CCDC91: variants seen among roughly 807,000 people sequenced by gnomAD.
CCDC91 encodes the protein coiled-coil domain containing 91.
A neutral mutation model predicts 63.2 loss-of-function variants in CCDC91; 48 were observed. The ratio of observed to expected loss-of-function variants is 0.76; its 90% CI spans 0.60 to 0.97. The LOEUF is 0.97. Among genes scored for constraint, CCDC91 ranks in the 50% least tolerant of loss-of-function variants. The pLI is 0.00. For missense variants in CCDC91, 500 were observed against 494.6 expected (o/e 1.01, Z -0.10); for synonymous variants, 167 against 165.8 (o/e 1.01, Z -0.06).
chr12:28,355,855 G>A (rs1943489303), intron 6 of CCDC91, among the ~76,000 whole-genome samples: 1 of 152,056 alleles, frequency 6.6e-6, no homozygotes, highest in Non-Finnish European at 1.5e-5. Context: ...AGCCATTATT[G>A]GAATAGGAGC....
chr12:28,494,449 C>T (rs1357453272), intron 12 of CCDC91, among the ~76,000 whole-genome samples: 2 of 151,648 alleles, frequency 1.3e-5, no homozygotes, highest in Admixed American at 6.6e-5. Flanking sequence ...CTTTGTAAAG[C>T]CTATCCTGGT....
At chr12:28,384,878 A>T (rs1336026387) in intron 7 of CCDC91, among the ~76,000 whole-genome samples, 3 of 152,092 alleles carry the variant, frequency 2.0e-5, no homozygotes, top group Non-Finnish European at 2.9e-5. Flanking sequence ...TTACAAATGT[A>T]CCTCATTCAA....
intron 1 of CCDC91, among the ~76,000 whole-genome samples, chr12:28,247,329 A>G (rs1945809449): frequency 6.6e-6 from 1 of 151,980 alleles, no homozygotes; most frequent in Admixed American, 6.6e-5. Flanking sequence ...AAATACAAAA[A>G]ATTAGCTGGG....
chr12:28,213,946 G>T (rs1448853559), intron 1 of CCDC91, among the ~76,000 whole-genome samples: 1 of 152,144 alleles, frequency 6.6e-6, no homozygotes, highest in Non-Finnish European at 1.5e-5. Flanking sequence ...TGCTGGATCA[G>T]TTTCCAATAT....
At chr12:28,406,517 A>G (rs1266815173) in intron 8 of CCDC91, among the ~76,000 whole-genome samples, 1 of 152,122 alleles carries the variant, frequency 6.6e-6, no homozygotes, top group African/African-American at 2.4e-5. Flanking sequence ...TATATTCTAG[A>G]TATAAACCCT....
chr12:28,549,819 C>G lies in CCDC91; in HGVS notation c.*646C>G, dbSNP rs1466805309. On this transcript the variant is annotated 3_prime_UTR_variant, in exon 13 of 13. Transcript: ENST00000536442. Reference sequence around the variant, plus strand: ...ACTAAAGGGGTGTGTGTGGTGTATGCTTGTTTCCTATTTCTGCTCTTTAAA... The same window carrying G: ...ACTAAAGGGGTGTGTGTGGTGTATGGTTGTTTCCTATTTCTGCTCTTTAAA... 6.6e-6 allele frequency: 1 copy of G among 152,032 alleles called. No homozygotes were observed. Among genetic ancestry groups the G allele is most frequent in the African/African-American group, 2.4e-5 (1 of 41,418 alleles). The allele number at this position is 152,032 out of a possible 1,614,324, so 9.4% of individuals were successfully genotyped here.
intron 1 of CCDC91, among the ~76,000 whole-genome samples, chr12:28,211,231 G>A (rs1943210792): frequency 6.6e-6 from 1 of 151,780 alleles, no homozygotes; most frequent in Non-Finnish European, 1.5e-5. Context: ...AGAAATCTGA[G>A]TGGTAAGAAA....
intron 2 of CCDC91, among the ~76,000 whole-genome samples, chr12:28,258,079 G>A (rs1946565457): frequency 1.3e-5 from 2 of 151,954 alleles, no homozygotes; most frequent in Non-Finnish European, 2.9e-5. Flanking sequence ...AAAGAATGGT[G>A]TGAGGTTTTT....
At chr12:28,303,134 A>G (rs1380507325) in intron 3 of CCDC91, among the ~76,000 whole-genome samples, 1 of 152,152 alleles carries the variant, frequency 6.6e-6, no homozygotes, top group Non-Finnish European at 1.5e-5. Context: ...AGATAAGATC[A>G]GAAGTGTTTA....
intron 6 of CCDC91, among the ~76,000 whole-genome samples, chr12:28,341,972 A>C (rs537520210): frequency 1.1e-4 from 17 of 152,358 alleles, no homozygotes; most frequent in African/African-American, 3.8e-4. Context: ...AATATGTTGC[A>C]TGTCAAGAGA....
chr12:28,503,644 A>T (rs1165796330), intron 12 of CCDC91, among the ~76,000 whole-genome samples: 1 of 152,220 alleles, frequency 6.6e-6, no homozygotes, highest in Non-Finnish European at 1.5e-5. Flanking sequence ...ACGTATGTTT[A>T]TTGCAGCACT....
At chr12:28,410,868 T>A (rs761653232) in intron 8 of CCDC91, among the ~76,000 whole-genome samples, 5 of 152,156 alleles carry the variant, frequency 3.3e-5, no homozygotes, top group Non-Finnish European at 4.4e-5. Flanking sequence ...ATTATTGACG[T>A]TTTTTCATTT....
At chr12:28,285,383 C>T (rs1198475209) in intron 3 of CCDC91, among the ~76,000 whole-genome samples, 1 of 152,016 alleles carries the variant, frequency 6.6e-6, no homozygotes, top group Admixed American at 6.5e-5. Flanking sequence ...GCTTATGAAA[C>T]TTAAATATGA....
chr12:28,544,586 CA>C (rs1182961674), intron 12 of CCDC91, among the ~76,000 whole-genome samples: 3 of 151,874 alleles, frequency 2.0e-5, no homozygotes, highest in Non-Finnish European at 2.9e-5. Flanking sequence ...ATTGAAAGTG[CA>C]ATTAGTACTA....
chr12:28,507,802 A>T (rs1056134491), intron 12 of CCDC91, among the ~76,000 whole-genome samples: 5 of 151,948 alleles, frequency 3.3e-5, no homozygotes, highest in African/African-American at 9.7e-5. Context: ...TGTGCAAAAA[A>T]TTCATTAGGG....
intron 12 of CCDC91, among the ~76,000 whole-genome samples, chr12:28,507,176 T>A (rs7955794): frequency 0.087 from 13,288 of 151,980 alleles, 1,776 homozygotes; most frequent in African/African-American, 0.29. Flanking sequence ...AAACTTCCAG[T>A]GTTCTCCAGT....
chr12:28,342,940 T>A (rs1239448194), intron 6 of CCDC91, among the ~76,000 whole-genome samples: 1 of 152,188 alleles, frequency 6.6e-6, no homozygotes, highest in Non-Finnish European at 1.5e-5. Context: ...TCACTAATAC[T>A]GCATATCATG....
At chr12:28,213,971 TC>T (rs1270458802) in intron 1 of CCDC91, among the ~76,000 whole-genome samples, 5 of 152,154 alleles carry the variant, frequency 3.3e-5, no homozygotes, top group Non-Finnish European at 7.4e-5. Context: ...TGCTCTTTCT[TC>T]CATTGCCAGG....
At chr12:28,254,146 G>T (rs530185407) in intron 1 of CCDC91, among the ~76,000 whole-genome samples, 47 of 152,140 alleles carry the variant, frequency 3.1e-4, no homozygotes, top group African/African-American at 1.1e-3. Flanking sequence ...AGCAAAGTAG[G>T]GAATTAATAC....
Sources: allele counts gnomAD v4.1 joint callset (sites outside exome capture counted in the v4.1 genomes callset), GRCh38; gene constraint gnomAD v4.1.1; transcripts MANE v1.5; gene names NCBI Gene and HGNC (gene_info 2026-07-23, HGNC 2026-07-21).